Variants in GRIA2 observed in about 807,000 individuals in gnomAD.
GRIA2 encodes the protein glutamate receptor 2.
GRIA2 carries 14 observed loss-of-function variants against 97.3 expected under a neutral mutation model. The observed-to-expected ratio is 0.14, with a 90% CI of 0.10 to 0.23. The LOEUF is 0.23. GRIA2 is among the 10% of genes least tolerant of loss of function. GRIA2 has a pLI of 1.00. For synonymous variants in GRIA2, 412 were observed against 387.8 expected (o/e 1.06, Z -0.73); for missense variants, 558 against 1,069.8 (o/e 0.52, Z 6.67).
intron 12 of GRIA2, among the ~76,000 whole-genome samples, chr4:157,344,335 C>G (rs919979490): frequency 6.6e-6 from 1 of 152,058 alleles, no homozygotes; most frequent in Non-Finnish European, 1.5e-5. Context: ...GGTTCATCCT[C>G]TCTCAACTTT....
At position 157,355,902 on chromosome 4, in the gene GRIA2, AATAT is replaced by A. The variant is rs377573622; in HGVS notation, c.2044-3985_2044-3982del. On this transcript the variant is annotated intron_variant, in intron 12 of 15. Coordinates refer to ENST00000264426, the MANE Select transcript of GRIA2 (RefSeq NM_001083619.3). ...ATATATATTAATATATTTATATATA[AATAT>A]ATATATATTAATATATTTATATATA... Among the ~76,000 whole-genome samples the A allele has an allele frequency of 5.3e-4, 38 of 71,074 alleles. 2 individuals are homozygous for A. The highest frequency in any genetic ancestry group is 1.8e-3 in the East Asian group (5 of 2,778). The allele number at this position is 71,074 out of a possible 152,430, so 46.6% of individuals were successfully genotyped here.
intron 2 of GRIA2, among the ~76,000 whole-genome samples, chr4:157,266,401 T>A (rs1731771576): frequency 6.6e-6 from 1 of 152,020 alleles, no homozygotes; most frequent in Non-Finnish European, 1.5e-5. Context: ...AAATCAAAGG[T>A]AACTGAGAAA....
intron 2 of GRIA2, among the ~76,000 whole-genome samples, chr4:157,285,174 GCA>G (rs1441442837): frequency 2.6e-5 from 4 of 150,946 alleles, no homozygotes; most frequent in African/African-American, 9.7e-5. Context: ...GTGTAGATGA[GCA>G]TCTTCTAATT....
intron 2 of GRIA2, among the ~76,000 whole-genome samples, chr4:157,239,636 G>C (rs1730413501): frequency 6.6e-6 from 1 of 151,804 alleles, no homozygotes; most frequent in South Asian, 2.1e-4. Context: ...ACATTCGTGA[G>C]TCAAGATTCA....
At chr4:157,336,216 A>T (rs553298225) in intron 10 of GRIA2, among the ~76,000 whole-genome samples, 161 bp from the exon 11 acceptor site, 1 of 152,090 alleles carries the variant, frequency 6.6e-6, no homozygotes, top group Admixed American at 6.6e-5. Context: ...GCATTCGGGG[A>T]ATAATTCCTT....
intron 2 of GRIA2, among the ~76,000 whole-genome samples, chr4:157,246,260 A>C (rs1231414170): frequency 6.6e-6 from 1 of 152,122 alleles, no homozygotes; most frequent in Non-Finnish European, 1.5e-5. Flanking sequence ...TGGACAGGCT[A>C]GTTAATTTCT....
At chr4:157,250,315 T>A (rs1730965181) in intron 2 of GRIA2, among the ~76,000 whole-genome samples, 1 of 152,152 alleles carries the variant, frequency 6.6e-6, no homozygotes, top group Non-Finnish European at 1.5e-5. Context: ...AGCAAATTAT[T>A]ATATCTTAGG....
At chr4:157,256,226 A>ATATTAC (rs1288563229) in intron 2 of GRIA2, among the ~76,000 whole-genome samples, 4 of 119,872 alleles carry the variant, frequency 3.3e-5, no homozygotes, top group African/African-American at 1.0e-4. Flanking sequence ...TATAATATAT[A>ATATTAC]ATATATAATA....
chr4:157,300,852 T>G (rs1399532899), intron 2 of GRIA2, among the ~76,000 whole-genome samples: 1 of 152,072 alleles, frequency 6.6e-6, no homozygotes, highest in East Asian at 1.9e-4. Context: ...ATGGCCGCAA[T>G]AACCAGGAGG....
rs1736787575 is a variant in GRIA2, at chr4:157,364,436, A to G, written c.*1005A>G. 1 of 151,876 alleles carries G rather than the reference A, an allele frequency of 6.6e-6. No individual in the cohort carries two copies. The highest frequency in any genetic ancestry group is 2.4e-5 in the African/African-American group (1 of 41,386). The allele number at this position is 151,876 out of a possible 1,614,324, so 9.4% of individuals were successfully genotyped here. ...TTTTCAAATGTAATCTTGCCCCCAA[A>G]GTAATATCTGAATATCTTTTTGACA... On this transcript the variant is annotated 3_prime_UTR_variant, in exon 16 of 16. Coordinates refer to ENST00000264426, the MANE Select transcript of GRIA2 (RefSeq NM_001083619.3).
chr4:157,299,113 CT>C (rs1346082325), intron 2 of GRIA2, among the ~76,000 whole-genome samples: 1 of 152,050 alleles, frequency 6.6e-6, no homozygotes, highest in Non-Finnish European at 1.5e-5. Flanking sequence ...GAGAGCAAGA[CT>C]AGTAGCAGCG....
At chr4:157,311,782 G>A (rs1277688129) in intron 3 of GRIA2, among the ~76,000 whole-genome samples, 1 of 151,870 alleles carries the variant, frequency 6.6e-6, no homozygotes, top group African/African-American at 2.4e-5. Flanking sequence ...GATGAATTTG[G>A]TTTTGCTGTG....
At chr4:157,259,737 C>G (rs1013410911) in intron 2 of GRIA2, among the ~76,000 whole-genome samples, 1 of 152,092 alleles carries the variant, frequency 6.6e-6, no homozygotes, top group African/African-American at 2.4e-5. Context: ...ATTACAAACT[C>G]TAACTTGTCC....
At chr4:157,246,258 C>T (rs573857412) in intron 2 of GRIA2, among the ~76,000 whole-genome samples, 205 of 152,108 alleles carry the variant, frequency 1.3e-3, no homozygotes, top group African/African-American at 4.7e-3. Flanking sequence ...ATTGGACAGG[C>T]TAGTTAATTT....
intron 2 of GRIA2, among the ~76,000 whole-genome samples, chr4:157,237,125 C>G (rs2126707428): frequency 6.6e-6 from 1 of 151,940 alleles, no homozygotes; most frequent in African/African-American, 2.4e-5. Flanking sequence ...GCTTTAATAC[C>G]ATCATATTTT....
At chr4:157,312,074 T>G (rs1734106409) in intron 3 of GRIA2, among the ~76,000 whole-genome samples, 1 of 151,896 alleles carries the variant, frequency 6.6e-6, no homozygotes. Flanking sequence ...CTTCAATTTC[T>G]CTGGGATCAT....
chr4:157,326,763 T>C (rs1297130880), intron 6 of GRIA2, among the ~76,000 whole-genome samples: 1 of 152,212 alleles, frequency 6.6e-6, no homozygotes, highest in Non-Finnish European at 1.5e-5. Context: ...GAAATCATAC[T>C]TTAGAACTGT....
chr4:157,338,209 C>T (rs2126944847), intron 11 of GRIA2, among the ~76,000 whole-genome samples: 1 of 150,762 alleles, frequency 6.6e-6, no homozygotes, highest in African/African-American at 2.4e-5. Flanking sequence ...ACATTCTGAC[C>T]CATAAAATGA....
At chr4:157,282,634 T>C (rs148156714) in intron 2 of GRIA2, among the ~76,000 whole-genome samples, 1 of 151,864 alleles carries the variant, frequency 6.6e-6, no homozygotes, top group East Asian at 2.0e-4. Flanking sequence ...GAGAAGGAGA[T>C]AGCTTTATCC....
Sources: allele counts gnomAD v4.1 joint callset (sites outside exome capture counted in the v4.1 genomes callset), GRCh38; gene constraint gnomAD v4.1.1; transcripts MANE v1.5; gene names NCBI Gene and HGNC (gene_info 2026-07-23, HGNC 2026-07-21).